The following PRKCE variants were observed in gnomAD, a reference collection of about 807,000 sequenced individuals.
PRKCE encodes the protein protein kinase C epsilon type.
In PRKCE, 16 loss-of-function variants were observed where a neutral mutation model predicts 85.4. The ratio of observed to expected loss-of-function variants is 0.19; its 90% CI spans 0.13 to 0.28. PRKCE has a LOEUF of 0.28. Among genes scored for constraint, PRKCE ranks in the 10% least tolerant of loss-of-function variants. The pLI is 1.00. For synonymous variants in PRKCE, 388 were observed against 371.5 expected, an observed-to-expected ratio of 1.04 and a Z score of -0.51; for missense variants, 573 against 975.2, an observed-to-expected ratio of 0.59 and a Z score of 5.49.
intron 10 of PRKCE, among the ~76,000 whole-genome samples, chr2:46,017,249 T>G (rs925415986): frequency 1.3e-5 from 2 of 152,172 alleles, no homozygotes; most frequent in Admixed American, 1.3e-4. Context: ...CAACAGCCAC[T>G]CTGTCAGTCT....
chr2:46,122,213 T>TTTTG (rs1673379170), intron 11 of PRKCE, among the ~76,000 whole-genome samples: 1 of 152,018 alleles, frequency 6.6e-6, no homozygotes, highest in Non-Finnish European at 1.5e-5. Context: ...TATTTGTGTT[T>TTTTG]TTTGTTTGTT....
At chr2:45,666,428 C>T (rs1675915490) in intron 1 of PRKCE, among the ~76,000 whole-genome samples, 1 of 151,850 alleles carries the variant, frequency 6.6e-6, no homozygotes. Flanking sequence ...GTGTGGTTTG[C>T]ACCTCCCCGG....
At chr2:45,948,417 A>G (rs948259543) in intron 2 of PRKCE, among the ~76,000 whole-genome samples, 4 of 152,180 alleles carry the variant, frequency 2.6e-5, no homozygotes, top group African/African-American at 9.7e-5. Context: ...AGGTGGGATG[A>G]TCGCTTGAGG....
At chr2:46,009,326 A>G (rs1328889442) in intron 9 of PRKCE, among the ~76,000 whole-genome samples, 1 of 152,254 alleles carries the variant, frequency 6.6e-6, no homozygotes, top group Non-Finnish European at 1.5e-5. Flanking sequence ...GTATCTTTAT[A>G]TATCACATGT....
chr2:46,129,580 T>C (rs1558485152), intron 11 of PRKCE, among the ~76,000 whole-genome samples: 2 of 152,220 alleles, frequency 1.3e-5, no homozygotes, highest in Non-Finnish European at 2.9e-5. Flanking sequence ...TTTTTTTCTA[T>C]GAAAAGGAGC....
intron 10 of PRKCE, chr2:46,010,733 T>C (rs766596054): frequency 2.5e-6 from 4 of 1,598,432 alleles, no homozygotes; most frequent in Non-Finnish European, 3.4e-6. Context: ...ATGAGAGAGC[T>C]GTAGAATTCT....
intron 10 of PRKCE, among the ~76,000 whole-genome samples, chr2:46,017,836 G>T (rs183780993): frequency 6.6e-6 from 1 of 152,124 alleles, no homozygotes; most frequent in Non-Finnish European, 1.5e-5. Flanking sequence ...GAAAACCAAG[G>T]CCCAGTCAAG....
At chr2:45,983,103 C>T (rs375476230) in intron 5 of PRKCE, among the ~76,000 whole-genome samples, 1 of 152,240 alleles carries the variant, frequency 6.6e-6, no homozygotes, top group Non-Finnish European at 1.5e-5. Context: ...TTCAGTAGAG[C>T]TGACATTCTT....
chr2:45,847,246 T>G (rs2105520518), intron 2 of PRKCE, among the ~76,000 whole-genome samples: 1 of 152,358 alleles, frequency 6.6e-6, no homozygotes, highest in African/African-American at 2.4e-5. Context: ...TGCTAGAGGC[T>G]TCTCCTTGTC....
chr2:46,116,052 C>G (rs1672737632), intron 11 of PRKCE, among the ~76,000 whole-genome samples: 1 of 152,186 alleles, frequency 6.6e-6, no homozygotes, highest in African/African-American at 2.4e-5. Flanking sequence ...TTCCCAGTGG[C>G]TTATGGGATT....
At chr2:46,146,783 G>C (rs1009718357) in intron 12 of PRKCE, among the ~76,000 whole-genome samples, 1 of 152,176 alleles carries the variant, frequency 6.6e-6, no homozygotes, top group African/African-American at 2.4e-5. Context: ...TCCAACATGA[G>C]CAAAGGCCAA....
chr2:45,769,334 C>A (rs1055379380), intron 1 of PRKCE, among the ~76,000 whole-genome samples: 6 of 152,158 alleles, frequency 3.9e-5, no homozygotes, highest in Non-Finnish European at 7.3e-5. Context: ...TTTTCTTACA[C>A]CCCTTTTGTT....
intron 1 of PRKCE, among the ~76,000 whole-genome samples, chr2:45,807,154 T>A (rs527855115): frequency 1.3e-5 from 2 of 152,358 alleles, no homozygotes; most frequent in South Asian, 2.1e-4. Context: ...ATGTAACTGG[T>A]CTCAGCCTCA....
At chr2:46,056,838 A>G (rs1256831306) in intron 10 of PRKCE, among the ~76,000 whole-genome samples, 1 of 152,202 alleles carries the variant, frequency 6.6e-6, no homozygotes, top group Non-Finnish European at 1.5e-5. Flanking sequence ...GAGAAAATTC[A>G]AGTATATAAA....
chr2:45,897,639 T>A (rs1696252510), intron 2 of PRKCE, among the ~76,000 whole-genome samples: 1 of 152,226 alleles, frequency 6.6e-6, no homozygotes, highest in African/African-American at 2.4e-5. Context: ...TTTTTATGGC[T>A]ACATTTCAGT....
chr2:45,974,989 G>A (rs1400874036), intron 2 of PRKCE, among the ~76,000 whole-genome samples: 1 of 152,184 alleles, frequency 6.6e-6, no homozygotes, highest in African/African-American at 2.4e-5. Flanking sequence ...TCAGATGAGA[G>A]CTTGGGGACT....
rs537145937 is a variant in PRKCE, at chr2:46,148,671, A to G, written c.1732-2370A>G. On this transcript the variant is annotated intron_variant, in intron 12 of 14. Coordinates refer to ENST00000306156, the MANE Select transcript of PRKCE (RefSeq NM_005400.3). ...CTGGATGATAGAACAGGCTGGCCAC[A>G]GCACTGGGCTCAGTAGCATGTTACA... Among the ~76,000 whole-genome samples, 116 of 152,386 alleles carry G rather than the reference A, an allele frequency of 7.6e-4. 3 individuals are homozygous for G. The South Asian group carries it at 0.02, about 27-fold the overall frequency.
At chr2:45,695,527 C>A (rs961420005) in intron 1 of PRKCE, among the ~76,000 whole-genome samples, 1 of 152,182 alleles carries the variant, frequency 6.6e-6, no homozygotes, top group Non-Finnish European at 1.5e-5. Flanking sequence ...AATCCCAACA[C>A]TTTGGGAGGC....
At chr2:46,110,113 G>A (rs1262931578) in intron 11 of PRKCE, among the ~76,000 whole-genome samples, 1 of 152,040 alleles carries the variant, frequency 6.6e-6, no homozygotes, top group Non-Finnish European at 1.5e-5. Context: ...AGAAATCTTT[G>A]CATCTATGAT....
Sources: gnomAD v4.1 joint callset for allele counts (sites outside exome capture counted in the v4.1 genomes callset) on GRCh38, gnomAD v4.1.1 for gene constraint, MANE v1.5 for transcripts, NCBI Gene and HGNC (gene_info 2026-07-23, HGNC 2026-07-21) for gene names.